MORN3: variants seen among roughly 807,000 people sequenced by gnomAD.
The protein encoded by MORN3 is MORN repeat containing 3.
In MORN3, 38 loss-of-function variants were observed where a neutral mutation model predicts 34.7. That is an observed-to-expected ratio of 1.10 (90% CI 0.85 to 1.44). MORN3 has a LOEUF of 1.44. MORN3 is among the 40% of genes most tolerant of loss of function. MORN3 has a pLI of 0.00. For synonymous variants in MORN3, 109 were observed against 115.3 expected (o/e 0.95, Z 0.35); for missense variants, 311 against 321.7 (o/e 0.97, Z 0.25).
intron 5 of MORN3, among the ~76,000 whole-genome samples, chr12:121,652,157 A>G (rs1490052241): frequency 6.6e-6 from 1 of 151,964 alleles, no homozygotes. Flanking sequence ...GCTAGTCTTG[A>G]ACTCCTGACC....
At chr12:121,652,916 C>T in intron 4 of MORN3, 108 bp from the exon 5 acceptor site, 1 of 1,448,326 alleles carries the variant, frequency 6.9e-7, no homozygotes, top group South Asian at 1.2e-5. Flanking sequence ...CATCAGGAGC[C>T]ACCTCCCTTG....
chr12:121,655,450 C>G (rs1893388816), intron 2 of MORN3, among the ~76,000 whole-genome samples: 1 of 151,970 alleles, frequency 6.6e-6, no homozygotes, highest in Non-Finnish European at 1.5e-5. Flanking sequence ...TGGCTTACGC[C>G]TATAATCCCA....
chr12:121,650,265 T>C lies in MORN3; in HGVS notation c.*1386A>G. 1 of 152,238 alleles carries C rather than the reference T, an allele frequency of 6.6e-6. No homozygotes were observed. Among genetic ancestry groups the C allele is most frequent in the Non-Finnish European group, 1.5e-5 (1 of 68,078 alleles). The allele number at this position is 152,238 out of a possible 1,614,324, so 9.4% of individuals were successfully genotyped here. A position where few individuals can be genotyped will look rare whatever the true frequency, so the allele number is the denominator to read the frequency against. On this transcript the variant is annotated 3_prime_UTR_variant, in exon 6 of 6. Transcript: ENST00000355329. ...TCTGATCTTGGCTGGGAGCAGTGGC[T>C]CACACCTGTAATCCCAGCACTTTGG...
chr12:121,659,427 G>T, intron 1 of MORN3, 79 bp from the exon 2 acceptor site: 2 of 1,526,172 alleles, frequency 1.3e-6, no homozygotes, highest in Admixed American at 1.8e-5. Context: ...AGCCTCAGGG[G>T]CCCCCAACTA....
At position 121,659,486 on chromosome 12, in the gene MORN3, A is replaced by G. The variant is rs902940022; in HGVS notation, c.146-138T>C. On this transcript the variant is annotated intron_variant, in intron 1 of 5. Transcript: ENST00000355329. ...GGCTCTGCGCATCATCCTAGACACC[A>G]AGTACCCAGGAGAAGGCCAGGAAAG... 3 of 751,760 alleles carry G rather than the reference A, an allele frequency of 4.0e-6. No homozygotes were observed. The African/African-American group carries it at 5.3e-5, about 13-fold the overall frequency. The allele number at this position is 751,760 out of a possible 1,614,324, so 46.6% of individuals were successfully genotyped here.
chr12:121,654,809 G>A (rs1893367186), intron 2 of MORN3, among the ~76,000 whole-genome samples: 1 of 151,470 alleles, frequency 6.6e-6, no homozygotes, highest in Non-Finnish European at 1.5e-5. Context: ...TGTTGGCCAG[G>A]CTGGTCTTGA....
chr12:121,652,842 G>A, intron 4 of MORN3, 34 bp from the exon 5 acceptor site: 1 of 1,610,190 alleles, frequency 6.2e-7, no homozygotes. Context: ...GGTTTGGAGA[G>A]CATGGAGGAC....
At chr12:121,657,437 G>A (rs553843917) in intron 2 of MORN3, among the ~76,000 whole-genome samples, 2 of 152,284 alleles carry the variant, frequency 1.3e-5, no homozygotes, top group South Asian at 4.1e-4. Flanking sequence ...AACTGACTCA[G>A]GGCAAGAAGA....
intron 1 of MORN3, among the ~76,000 whole-genome samples, chr12:121,661,382 C>T (rs1310602209): frequency 6.6e-6 from 1 of 152,160 alleles, no homozygotes; most frequent in Admixed American, 6.6e-5. Flanking sequence ...CACCAGTACA[C>T]CGAGCTTAAT....
rs376071312 is a variant in MORN3 at position 121,654,282 on chromosome 12, A to C, written c.455T>G (p.Leu152Arg). 8.2e-6 allele frequency: 13 copies of C among 1,577,434 alleles called. No homozygotes were observed. Among genetic ancestry groups the C allele is most frequent in the African/African-American group, 5.4e-5 (4 of 74,574 alleles). ...ENDKPNGEGM[L>R]RLKNGNRYEG... The stretch of plus-strand genomic sequence containing the variant: ...GGGGGTGGGGCACTCACTCAGGCGC[A>C]GCATGCCCTCCCCGTTGGGCTTGTC... The change falls in exon 3 of 6, where the codon CTG becomes CGG. Residue 152 changes from leucine to arginine, a missense_variant. By Grantham distance (102) the Leu-to-Arg change is moderately radical (BLOSUM62 -2). Coordinates refer to ENST00000355329, the MANE Select transcript of MORN3 (RefSeq NM_173855.5).
At chr12:121,671,964 G>C (rs985171196), upstream of MORN3, among the ~76,000 whole-genome samples, 1 of 151,888 alleles carries the variant, frequency 6.6e-6, no homozygotes, top group African/African-American at 2.4e-5. Flanking sequence ...GGCTTACTCA[G>C]AATTGCAAGA....
At chr12:121,659,013 G>A (rs1294132610) in intron 2 of MORN3, among the ~76,000 whole-genome samples, 178 bp downstream of exon 2, 4 of 151,882 alleles carry the variant, frequency 2.6e-5, no homozygotes, top group African/African-American at 7.3e-5. Context: ...TTTGTTCTGA[G>A]AAACTTTGCA....
At chr12:121,669,313 G>T in intron 1 of MORN3, 26 bp downstream of exon 1, 1 of 1,610,694 alleles carries the variant, frequency 6.2e-7, no homozygotes, top group Non-Finnish European at 8.5e-7. Flanking sequence ...CCCCACTCCG[G>T]CCGCCCGTCC....
At chr12:121,669,830 ATATTTTTTTT>A (rs1893897901), upstream of MORN3, among the ~76,000 whole-genome samples, 2 of 117,882 alleles carry the variant, frequency 1.7e-5, no homozygotes, top group African/African-American at 4.0e-5. Context: ...ATATATATAT[ATATTTTTTTT>A]TTTATGTCTT....
At chr12:121,671,751 A>T (rs1369641702), upstream of MORN3, among the ~76,000 whole-genome samples, 1 of 149,822 alleles carries the variant, frequency 6.7e-6, no homozygotes, top group African/African-American at 2.5e-5. Flanking sequence ...GTGGTTGACG[A>T]CGCCTGTAAT....
rs782041974 is a variant in MORN3 at position 121,653,125 on chromosome 12, C to T, written c.598G>A (p.Asp200Asn). Reference protein sequence around the residue: ...DNMAKCGTMIDFGRDEAPEPT... With the variant: ...DNMAKCGTMINFGRDEAPEPT... ...TCAGGGGCCTCGTCACGGCCAAAGT[C>T]GATCATCGTCCCGCATTTGGCCATA... Residue 200 changes from aspartate (D) to asparagine (N), a missense_variant, in exon 4 of 6, where the codon GAC (aspartate) becomes AAC (asparagine). Coordinates refer to ENST00000355329, the MANE Select transcript of MORN3 (RefSeq NM_173855.5). 13 of 1,613,920 alleles carry T rather than the reference C, an allele frequency of 8.1e-6. No individual in the cohort carries two copies. Among genetic ancestry groups the T allele is most frequent in the South Asian group, 6.6e-5 (6 of 91,078 alleles).
chr12:121,670,135 C>T (rs1447315722), upstream of MORN3, among the ~76,000 whole-genome samples: 2 of 151,882 alleles, frequency 1.3e-5, no homozygotes, highest in African/African-American at 4.8e-5. Context: ...TCAGCCTCTC[C>T]AAGTGCTGGG....
At position 121,651,469 on chromosome 12, in the gene MORN3, G is replaced by C. The variant is rs547354524; in HGVS notation, c.*182C>G. The C allele has an allele frequency of 1.3e-5, 2 of 152,436 alleles. No individual in the cohort carries two copies. The highest frequency in any genetic ancestry group is 1.3e-4 in the Admixed American group (2 of 15,272). 9.4% of individuals were successfully genotyped at this position (152,436 alleles called of 1,614,324 possible). The stretch of plus-strand genomic sequence containing the variant: ...AGAGGGTCCCGAGGACAGCCTGGGA[G>C]AGAAGCACCAGCCTTCCTATTGGCA... On this transcript the variant is annotated 3_prime_UTR_variant, in exon 6 of 6. Transcript: ENST00000355329.
chr12:121,652,698 C>G (rs782819035), intron 5 of MORN3, 30 bp downstream of exon 5: 49 of 1,606,150 alleles, frequency 3.1e-5, no homozygotes, highest in Non-Finnish European at 4.0e-5. Flanking sequence ...TCAGCCACAT[C>G]AGAACTTGGC....
Sources: gnomAD v4.1 joint callset for allele counts (sites outside exome capture counted in the v4.1 genomes callset) on GRCh38, gnomAD v4.1.1 for gene constraint, MANE v1.5 for transcripts, NCBI Gene and HGNC (gene_info 2026-07-23, HGNC 2026-07-21) for gene names.